Variants in LIPA observed in about 807,000 individuals in gnomAD.
LIPA encodes lipase A, lysosomal acid type, also known as lysosomal acid lipase/cholesteryl ester hydrolase.
Under a neutral mutation model 40.6 loss-of-function variants are expected in LIPA, and 26 were observed. The observed-to-expected ratio is 0.64, with a 90% CI of 0.47 to 0.89. The LOEUF (loss-of-function observed/expected upper bound fraction) is 0.89, where lower values mean the gene tolerates loss of function less well. Ranked by LOEUF, LIPA falls within the 40% of genes least tolerant of loss-of-function variation. LIPA has a pLI of 0.00. For missense variants in LIPA, 455 were observed against 479.6 expected, an observed-to-expected ratio of 0.95 and a Z score of 0.48; for synonymous variants, 188 against 168.4, an observed-to-expected ratio of 1.12 and a Z score of -0.90.
intron 2 of LIPA, among the ~76,000 whole-genome samples, chr10:89,389,529 T>C (rs1199588561): frequency 6.6e-6 from 1 of 152,184 alleles, no homozygotes; most frequent in Non-Finnish European, 1.5e-5. Context: ...GATCCTATTC[T>C]ACCTGGCCAT....
At chr10:89,286,429 C>T (rs970390725) in intron 1 of LIPA, among the ~76,000 whole-genome samples, 6 of 152,198 alleles carry the variant, frequency 3.9e-5, no homozygotes, top group Admixed American at 6.5e-5. Context: ...TCCTCACACC[C>T]AGTCCAGCTT....
chr10:89,359,813 T>TCACACACA (rs1266622568), intron 2 of LIPA, among the ~76,000 whole-genome samples: 1 of 128,426 alleles, frequency 7.8e-6, no homozygotes, highest in East Asian at 3.5e-4. Flanking sequence ...TCTCTCTCTC[T>TCACACACA]CTCACACACA....
chr10:89,290,725 C>A (rs1205842548), intron 1 of LIPA, among the ~76,000 whole-genome samples: 1 of 152,194 alleles, frequency 6.6e-6, no homozygotes. Flanking sequence ...CAGAGAACAA[C>A]CCCCTTTGAT....
At chr10:89,297,311 C>A (rs1293688793) in intron 1 of LIPA, among the ~76,000 whole-genome samples, 3 of 152,162 alleles carry the variant, frequency 2.0e-5, no homozygotes, top group African/African-American at 7.2e-5. Flanking sequence ...GGAGACCCCA[C>A]AAGGGTATTT....
At chr10:89,324,349 C>T (rs1256505605) in intron 1 of LIPA, among the ~76,000 whole-genome samples, 1 of 152,140 alleles carries the variant, frequency 6.6e-6, no homozygotes, top group African/African-American at 2.4e-5. Context: ...AATTGGACCC[C>T]TTCCTTACAT....
chr10:89,303,339 G>A (rs1843458050), intron 1 of LIPA, among the ~76,000 whole-genome samples: 1 of 152,232 alleles, frequency 6.6e-6, no homozygotes, highest in Non-Finnish European at 1.5e-5. Context: ...CTGAGGATGT[G>A]TGTTTCTAAA....
At chr10:89,327,892 C>T (rs903513431) in intron 1 of LIPA, 9 of 558,668 alleles carry the variant, frequency 1.6e-5, no homozygotes, top group African/African-American at 1.6e-4. Flanking sequence ...TTCCAGTTTC[C>T]TCTTCCTTCC....
chr10:89,336,232 A>G (rs1198170484), intron 1 of LIPA, among the ~76,000 whole-genome samples: 1 of 151,386 alleles, frequency 6.6e-6, no homozygotes, highest in Non-Finnish European at 1.5e-5. Context: ...AGAGGGAGGG[A>G]GGGAAAGAAG....
chr10:89,357,326 C>T (rs35830608), intron 2 of LIPA, among the ~76,000 whole-genome samples: 1 of 152,030 alleles, frequency 6.6e-6, no homozygotes, highest in South Asian at 2.1e-4. Flanking sequence ...ACCTGAGGAG[C>T]CTCTCAGCTG....
At position 89,230,572 on chromosome 10, in the gene LIPA, C is replaced by T. The variant is rs966182729; in HGVS notation, c.230-2174G>A. 7.2e-5 allele frequency among the ~76,000 whole-genome samples: 11 copies of T among 152,228 alleles called. No individual in the cohort carries two copies. In the South Asian group the frequency reaches 1.0e-3, roughly 14 times the overall value. ...CCACCCACCTCGGCTTCCCAAAGTG[C>T]GGGGTTTACAGGTGTGAGCCACCAC... is the stretch of plus-strand genomic sequence containing the variant. On this transcript the variant is annotated intron_variant, in intron 3 of 9. Transcript: ENST00000336233.
chr10:89,319,325 A>G (rs1422461269), intron 1 of LIPA, among the ~76,000 whole-genome samples: 1 of 152,224 alleles, frequency 6.6e-6, no homozygotes, highest in Non-Finnish European at 1.5e-5. Flanking sequence ...CAAGACTAAT[A>G]AAGAAGAAAA....
chr10:89,307,086 A>G (rs371767716), intron 1 of LIPA: 9 of 1,614,000 alleles, frequency 5.6e-6, no homozygotes, highest in East Asian at 4.5e-5. Flanking sequence ...CATCTGCGGT[A>G]TGGCAACTTT....
At chr10:89,315,977 C>T (rs1843539426) in intron 1 of LIPA, among the ~76,000 whole-genome samples, 1 of 152,134 alleles carries the variant, frequency 6.6e-6, no homozygotes, top group South Asian at 2.1e-4. Flanking sequence ...AGGTTAGTTA[C>T]ATATGTATAC....
rs780632059 is a variant in LIPA, at chr10:89,402,644, C to T, written c.61+10147G>A. The T allele has an allele frequency of 3.7e-6, 6 of 1,614,098 alleles. No homozygotes were observed. In the East Asian group the frequency reaches 1.1e-4, roughly 30 times the overall value. On this transcript the variant is annotated intron_variant, in intron 2 of 8. Coordinates refer to the LIPA transcript ENST00000371837. The stretch of plus-strand genomic sequence containing the variant: ...AGACTTACCTGGACAAGGTGGAGAA[C>T]ATTTGCAAGAAGCTTTCAAATCCCT...
intron 3 of LIPA, among the ~76,000 whole-genome samples, chr10:89,244,717 T>C (rs1843003044): frequency 6.6e-6 from 1 of 152,174 alleles, no homozygotes; most frequent in Non-Finnish European, 1.5e-5. Context: ...AACTGCAGTT[T>C]TGCTTGAGTT....
At chr10:89,228,104 A>G in intron 4 of LIPA, 96 bp downstream of exon 4, 1 of 1,049,092 alleles carries the variant, frequency 9.5e-7, no homozygotes, top group Non-Finnish European at 1.5e-6. Context: ...ATACAACTTC[A>G]GAGTTACCAC....
chr10:89,261,893 A>AT (rs1039992988), intron 1 of LIPA, among the ~76,000 whole-genome samples: 1 of 152,108 alleles, frequency 6.6e-6, no homozygotes, highest in African/African-American at 2.4e-5. Flanking sequence ...AGCCCGGTTG[A>AT]TTTTTTTGCC....
chr10:89,394,571 C>A (rs1844305644), intron 2 of LIPA, among the ~76,000 whole-genome samples: 1 of 122,130 alleles, frequency 8.2e-6, no homozygotes, highest in African/African-American at 3.3e-5. Flanking sequence ...ATATGTACTA[C>A]AGGAAAATAT....
intron 1 of LIPA, among the ~76,000 whole-genome samples, chr10:89,296,231 G>T (rs1843413894): frequency 6.6e-6 from 1 of 152,136 alleles, no homozygotes; most frequent in African/African-American, 2.4e-5. Flanking sequence ...GCTCATGCCT[G>T]TAATCCTAGC....
Sources: gnomAD v4.1 joint callset for allele counts (sites outside exome capture counted in the v4.1 genomes callset) on GRCh38, gnomAD v4.1.1 for gene constraint, MANE v1.5 for transcripts, NCBI Gene and HGNC (gene_info 2026-07-23, HGNC 2026-07-21) for gene names.